EPC1: variants seen among roughly 807,000 people sequenced by gnomAD.
The protein encoded by EPC1 is enhancer of polycomb homolog 1.
Under a neutral mutation model 98.4 loss-of-function variants are expected in EPC1, and 12 were observed. The ratio of observed to expected loss-of-function variants is 0.12; its 90% CI spans 0.08 to 0.20. EPC1 has a LOEUF of 0.20. Among genes scored for constraint, EPC1 ranks in the 10% least tolerant of loss-of-function variants. The probability of loss-of-function intolerance (pLI) is 1.00; values close to 1 mark genes in which losing one functional copy is unlikely to be tolerated. For missense variants in EPC1, 729 were observed against 990.5 expected (o/e 0.74, Z 3.54); for synonymous variants, 357 against 363.9 (o/e 0.98, Z 0.21).
At chr10:32,304,188 G>A (rs1464522524) in intron 2 of EPC1, among the ~76,000 whole-genome samples, 1 of 152,140 alleles carries the variant, frequency 6.6e-6, no homozygotes, top group East Asian at 1.9e-4. Context: ...TCAGTCAAAT[G>A]TATTTTATAG....
chr10:32,271,672 C>T lies in EPC1; in HGVS notation c.2251G>A (p.Ala751Thr). 1 of 1,614,166 alleles carries T rather than the reference C, an allele frequency of 6.2e-7. No individual in the cohort carries two copies. The highest frequency in any genetic ancestry group is 1.1e-5 in the South Asian group (1 of 91,088). The change falls in exon 13 of 14, where the codon GCA (alanine) becomes ACA (threonine). Residue 751 changes from alanine (A) to threonine (T), a missense_variant. Physicochemically the swap from Ala to Thr is moderately conservative, Grantham distance 58. Coordinates refer to ENST00000319778, the MANE Select transcript of EPC1 (RefSeq NM_001272004.3). ...CTTAAAGTCCTAGGTATATGTCGTG[C>T]ATTTATTGGGGCAATAGAGTTTACA... ...ATVNSIAPIN[A>T]RHIPRTLSAV... is the part of the protein sequence containing the mutation.
intron 10 of EPC1, among the ~76,000 whole-genome samples, chr10:32,277,299 G>T (rs761232297): frequency 6.6e-5 from 10 of 152,176 alleles, no homozygotes; most frequent in Non-Finnish European, 1.5e-4. Flanking sequence ...AAGGAAGCAT[G>T]ATAGGACTTC....
At chr10:32,351,690 TGCC>T (rs2133083050), upstream of EPC1, among the ~76,000 whole-genome samples, 1 of 151,900 alleles carries the variant, frequency 6.6e-6, no homozygotes, top group Non-Finnish European at 1.5e-5. Context: ...GTGTCTTTCC[TGCC>T]TCCAGGTTTT....
At chr10:32,285,291 A>C in intron 9 of EPC1, 3 of 410,972 alleles carry the variant, frequency 7.3e-6, no homozygotes. Flanking sequence ...AAGCACCAAA[A>C]TGAATGCTTT....
At chr10:32,290,499 A>AG in intron 6 of EPC1, among the ~76,000 whole-genome samples, 2 of 126,808 alleles carry the variant, frequency 1.6e-5, no homozygotes, top group African/African-American at 2.8e-5. Flanking sequence ...AAAAAAAAAA[A>AG]AAAAAAAAAG....
rs1838890674 is a variant in EPC1 at position 32,347,073 on chromosome 10, G to A, written c.-158C>T. 2.2e-5 allele frequency: 32 copies of A among 1,451,548 alleles called. No individual in the cohort carries two copies. The highest frequency in any genetic ancestry group is 2.8e-5 in the Non-Finnish European group (31 of 1,108,588). 89.9% of individuals were successfully genotyped at this position (1,451,548 alleles called of 1,614,324 possible). On this transcript the variant is annotated 5_prime_UTR_variant, in exon 1 of 14. Transcript: ENST00000319778. ...CCGGGCACTAACACCAGCCGGGAGG[G>A]TGGGAGGCTGTGCCGCTCCGCTCCT...
intron 2 of EPC1, among the ~76,000 whole-genome samples, chr10:32,302,001 T>A (rs746613251): frequency 6.6e-6 from 1 of 151,030 alleles, no homozygotes; most frequent in Non-Finnish European, 1.5e-5. Context: ...CGGCTGGAGG[T>A]GGTGGCTCAC....
In EPC1 at chr10:32,305,878, C is replaced by T; in HGVS notation, c.207G>A (p.Arg69=). Residue 69 remains arginine, a synonymous_variant, in exon 2 of 14, where the codon AGG becomes AGA. Transcript: ENST00000319778. ...ISAQQVYGEK[R]DNMVIPVPEA... ...CTGGGACCGGTATAACCATATTATC[C>T]CTCTTCTCGCCATACACCTGCTGTG... 2 of 1,612,264 alleles carry T rather than the reference C, an allele frequency of 1.2e-6. No homozygotes were observed. Among genetic ancestry groups the T allele is most frequent in the Non-Finnish European group, 1.7e-6 (2 of 1,179,264 alleles).
intron 1 of EPC1, among the ~76,000 whole-genome samples, chr10:32,378,058 A>G (rs1839905392): frequency 6.6e-6 from 1 of 152,196 alleles, no homozygotes; most frequent in Non-Finnish European, 1.5e-5. Context: ...TGTAGTTTGT[A>G]TCCAAGTAAT....
intron 6 of EPC1, among the ~76,000 whole-genome samples, chr10:32,287,761 T>C (rs535220102): frequency 1.3e-5 from 2 of 152,254 alleles, no homozygotes; most frequent in East Asian, 1.9e-4. Flanking sequence ...AAAGCCATAA[T>C]GCTGAGTGAG....
intron 13 of EPC1, among the ~76,000 whole-genome samples, chr10:32,269,940 C>T (rs1289858315): frequency 6.6e-6 from 1 of 152,206 alleles, no homozygotes; most frequent in African/African-American, 2.4e-5. Context: ...ATTTAAAGTG[C>T]TCCAGGAATC....
chr10:32,292,434 A>T, intron 5 of EPC1, 62 bp downstream of exon 5: 1 of 1,208,010 alleles, frequency 8.3e-7, no homozygotes, highest in Non-Finnish European at 1.1e-6. Flanking sequence ...AAATAAATTA[A>T]CTCAATATAC....
In EPC1 at chr10:32,286,843, CT is replaced by C. The variant is rs778467101; in HGVS notation, c.1243-2del. On this transcript the variant is annotated splice_acceptor_variant, in intron 8 of 13. Coordinates refer to ENST00000319778, the MANE Select transcript of EPC1 (RefSeq NM_001272004.3). LOFTEE classifies it high-confidence loss of function. ...AGTTGCCAGTTTGGTCTAAGTGAGGCTTAAAAAAAAAAATCCAAATTATTTA... is the reference window on the plus strand; with the variant it reads ...AGTTGCCAGTTTGGTCTAAGTGAGGCTAAAAAAAAAAATCCAAATTATTTA... 1 of 1,604,550 alleles carries C rather than the reference CT, an allele frequency of 6.2e-7. No homozygotes were observed. Among genetic ancestry groups the C allele is most frequent in the African/African-American group, 1.4e-5 (1 of 73,850 alleles).
At chr10:32,277,373 C>T (rs371660727) in intron 10 of EPC1, among the ~76,000 whole-genome samples, 14 of 152,142 alleles carry the variant, frequency 9.2e-5, no homozygotes, top group Admixed American at 5.9e-4. Flanking sequence ...CTTCCATGAG[C>T]AAACCAGGGA....
At chr10:32,294,889 T>C (rs1270001924) in intron 2 of EPC1, among the ~76,000 whole-genome samples, 4 of 152,178 alleles carry the variant, frequency 2.6e-5, no homozygotes, top group Non-Finnish European at 5.9e-5. Context: ...TCAGATTTCA[T>C]TGATTTCATG....
chr10:32,269,967 G>A (rs200685156), intron 13 of EPC1, among the ~76,000 whole-genome samples: 2 of 152,152 alleles, frequency 1.3e-5, no homozygotes, highest in African/African-American at 2.4e-5. Flanking sequence ...GGCTTCTCCT[G>A]CCATTCCAAT....
chr10:32,299,540 C>CCAT (rs5784280), intron 2 of EPC1, among the ~76,000 whole-genome samples: 9 of 148,268 alleles, frequency 6.1e-5, no homozygotes, highest in African/African-American at 1.5e-4. Flanking sequence ...CCCCAAGCCT[C>CCAT]CATCATCATC....
At chr10:32,362,319 G>A (rs1592638399) in intron 1 of EPC1, among the ~76,000 whole-genome samples, 1 of 152,052 alleles carries the variant, frequency 6.6e-6, no homozygotes, top group African/African-American at 2.4e-5. Flanking sequence ...AATGTTGGAG[G>A]TGGGGTCCGG....
At chr10:32,316,573 T>A (rs1836561164) in intron 1 of EPC1, among the ~76,000 whole-genome samples, 1 of 152,140 alleles carries the variant, frequency 6.6e-6, no homozygotes, top group East Asian at 1.9e-4. Flanking sequence ...TCGCACAAAG[T>A]ACATCAATGA....
Sources: allele counts gnomAD v4.1 joint callset (sites outside exome capture counted in the v4.1 genomes callset), GRCh38; gene constraint gnomAD v4.1.1; transcripts MANE v1.5; gene names NCBI Gene and HGNC (gene_info 2026-07-23, HGNC 2026-07-21).